C2orf81: variants seen among roughly 807,000 people sequenced by gnomAD.
The protein encoded by C2orf81 is uncharacterized protein C2orf81.
A neutral mutation model predicts 7.9 loss-of-function variants in C2orf81; 5 were observed. The observed-to-expected ratio is 0.63, with a 90% confidence interval of 0.33 to 1.33. The LOEUF is 1.33. Among genes scored for constraint, C2orf81 ranks in the 40% most tolerant of loss-of-function variants. C2orf81 has a pLI of 0.05. For missense variants in C2orf81, 781 were observed against 830.4 expected (o/e 0.94, Z 0.73); for synonymous variants, 346 against 367.4 (o/e 0.94, Z 0.66).
At position 74,418,356 on chromosome 2, in the gene C2orf81, C is replaced by T. The variant is rs554653487; in HGVS notation, c.19-2115G>A. The T allele has an allele frequency of 5.9e-5, 95 of 1,597,252 alleles. No individual in the cohort carries two copies. The African/African-American group carries it at 1.1e-3, about 18-fold the overall frequency. On this transcript the variant is annotated intron_variant, in intron 1 of 2. Transcript: ENST00000684111. ...TGGGACTCACCGGAGGCTGCTTGCG[C>T]GGCCTGCCACGGCCCCGCTTCTCAG...
At chr2:74,417,554 A>G in intron 1 of C2orf81, 1 of 1,100,846 alleles carries the variant, frequency 9.1e-7, no homozygotes, top group Non-Finnish European at 1.2e-6. Flanking sequence ...AAGGTGGGGA[A>G]GGATGAAAGG....
chr2:74,421,089 C>A (rs1341732781), intron 1 of C2orf81, among the ~76,000 whole-genome samples: 3 of 152,120 alleles, frequency 2.0e-5, no homozygotes, highest in African/African-American at 7.2e-5. Context: ...GCCCCGTTTT[C>A]TTTATTTTAA....
intron 1 of C2orf81, 53 bp downstream of exon 1, chr2:74,421,490 A>T (rs914459830): frequency 2.8e-6 from 1 of 359,470 alleles, no homozygotes; most frequent in African/African-American, 2.1e-5. Flanking sequence ...CCCGACACCG[A>T]CCTTAACGGC....
In C2orf81 at chr2:74,415,134, C is replaced by G; in HGVS notation, c.1043G>C (p.Cys348Ser). 1 of 1,542,582 alleles carries G rather than the reference C, an allele frequency of 6.5e-7. No homozygotes were observed. Among genetic ancestry groups the G allele is most frequent in the East Asian group, 2.5e-5 (1 of 40,540 alleles). ...CGAGTGCCCGGCCCGCTGCTGCTGG[C>G]AGGACGCGGAGGGGCGGGTGGCGCC... is the stretch of plus-strand genomic sequence containing the variant. ...VGGATRPSAS[C>S]QQQRAGHSDV... Residue 348 changes from cysteine to serine, a missense_variant, in exon 3 of 3, where the codon TGC becomes TCC. Coordinates refer to ENST00000684111, the MANE Select transcript of C2orf81 (RefSeq NM_001316764.3). The surrounding 1 kb of genome is among the most constrained non-coding windows in gnomAD (Gnocchi z 5.5).
intron 1 of C2orf81, among the ~76,000 whole-genome samples, chr2:74,417,025 G>GC (rs764455140): frequency 2.0e-5 from 3 of 152,188 alleles, no homozygotes; most frequent in Non-Finnish European, 4.4e-5. Flanking sequence ...AGCCTGCCAT[G>GC]CCCCAGCCCC....
rs780453780 is a variant in C2orf81, at chr2:74,415,779, G to C, written c.398C>G (p.Ser133Cys). 1.3e-6 allele frequency: 2 copies of C among 1,551,614 alleles called. No homozygotes were observed. Among genetic ancestry groups the C allele is most frequent in the Non-Finnish European group, 1.7e-6 (2 of 1,147,018 alleles). The stretch of plus-strand genomic sequence containing the variant: ...CACGGGCACTGAACCCTGAGCCCAG[G>C]AGTCCGTCGTGCATGCCGAAGGCTC... ...DEEPSACTTD[S>C]WAQGSVPVLH... The change falls in exon 3 of 3, where the codon TCC becomes TGC. Residue 133 changes from serine to cysteine, a missense_variant. By Grantham distance (112) the Ser-to-Cys change is moderately radical. Coordinates refer to ENST00000684111, the MANE Select transcript of C2orf81 (RefSeq NM_001316764.3). The surrounding 1 kb of genome is among the most constrained non-coding windows in gnomAD (Gnocchi z 5.5).
At position 74,416,094 on chromosome 2, in the gene C2orf81, C is replaced by T. The variant is rs1287792379; in HGVS notation, c.166G>A (p.Gly56Ser). Residue 56 changes from glycine to serine, a missense_variant, in exon 2 of 3, where the codon GGC becomes AGC. Coordinates refer to ENST00000684111, the MANE Select transcript of C2orf81 (RefSeq NM_001316764.3). ...AAGATGTCCCCTACGACGTCCTCGCCCTCCTCGAGGGCTGTAAGCGCCATC... is the reference window on the plus strand; with the variant it reads ...AAGATGTCCCCTACGACGTCCTCGCTCTCCTCGAGGGCTGTAAGCGCCATC... ...EWMALTALEE[G>S]EDVVGDILAD... 8 of 1,544,164 alleles carry T rather than the reference C, an allele frequency of 5.2e-6. No homozygotes were observed. The South Asian group carries it at 8.4e-5, about 16-fold the overall frequency.
rs531061558 is a variant in C2orf81, at chr2:74,420,558, A to C, written c.18+985T>G. On this transcript the variant is annotated intron_variant, in intron 1 of 2. Coordinates refer to ENST00000684111, the MANE Select transcript of C2orf81 (RefSeq NM_001316764.3). ...AAATCCCTGAAGTCTCATTAACCCT[A>C]TCCACCAGTGAGAACAGCCCTGTAG... 2.0e-4 allele frequency among the ~76,000 whole-genome samples: 31 copies of C among 152,174 alleles called. No individual in the cohort carries two copies. The South Asian group carries it at 6.2e-3, about 31-fold the overall frequency.
At position 74,415,298 on chromosome 2, in the gene C2orf81, G is replaced by C. The variant is rs1676419751; in HGVS notation, c.879C>G (p.Pro293=). ...CTTCCAACGACAAATGGAAGCCGAG[G>C]GGGTGTCCCCTCCCAGTTGAGGCCT... ...SPQASTGRGH[P]LGFHLSLEDL... Residue 293 remains proline (P), a synonymous_variant, in exon 3 of 3, where the codon CCC becomes CCG. Coordinates refer to ENST00000684111, the MANE Select transcript of C2orf81 (RefSeq NM_001316764.3). This position sits in a 1 kb window ranked among gnomAD's most constrained non-coding sequence, Gnocchi z 5.5. 2 of 1,550,992 alleles carry C rather than the reference G, an allele frequency of 1.3e-6. No individual in the cohort carries two copies. Among genetic ancestry groups the C allele is most frequent in the Non-Finnish European group, 1.7e-6 (2 of 1,146,692 alleles).
At position 74,415,541 on chromosome 2, in the gene C2orf81, C is replaced by T; in HGVS notation, c.636G>A (p.Trp212Ter). Residue 212 changes from tryptophan (W) to a stop codon, truncating the protein, a stop_gained, in exon 3 of 3, where the codon TGG becomes TGA. Coordinates refer to ENST00000684111, the MANE Select transcript of C2orf81 (RefSeq NM_001316764.3). LOFTEE classifies it low-confidence loss of function (END_TRUNC). The surrounding 1 kb of genome is among the most constrained non-coding windows in gnomAD (Gnocchi z 5.5). Reference sequence around the variant, plus strand: ...TGACTCTCAGCTGCGGAGAAGGCTCCCAAGATTCCATCTGCTCCTGGGAGC... The same window carrying T: ...TGACTCTCAGCTGCGGAGAAGGCTCTCAAGATTCCATCTGCTCCTGGGAGC... Reference protein sequence around the residue: ...GRGSQEQMESWEPSPQLRVTS... With the variant: ...GRGSQEQMES 6.5e-7 allele frequency: 1 copy of T among 1,549,114 alleles called. No homozygotes were observed. Among genetic ancestry groups the T allele is most frequent in the South Asian group, 1.2e-5 (1 of 84,036 alleles).
chr2:74,415,968 C>A lies in C2orf81; in HGVS notation c.250-41G>T, dbSNP rs1049889797. 6.5e-6 allele frequency: 10 copies of A among 1,546,946 alleles called. No individual in the cohort carries two copies. Among genetic ancestry groups the A allele is most frequent in the Non-Finnish European group, 8.7e-6 (10 of 1,144,034 alleles). ...AGGATCTCAGGTCGGCAGGGAGGGG[C>A]GGGAGAGGGAGACGAGTCTGAAGGA... On this transcript the variant is annotated intron_variant, in intron 2 of 2. Transcript: ENST00000684111. This position sits in a 1 kb window ranked among gnomAD's most constrained non-coding sequence, Gnocchi z 5.5.
At position 74,418,132 on chromosome 2, in the gene C2orf81, A is replaced by G. The variant is rs558768625; in HGVS notation, c.19-1891T>C. On this transcript the variant is annotated intron_variant, in intron 1 of 2. Coordinates refer to ENST00000684111, the MANE Select transcript of C2orf81 (RefSeq NM_001316764.3). ...AGTCCCAGAAGGAAGCTGCTCCTCCAGTGAGGACTCCTGCGAGATGCCCTT... is the reference window on the plus strand; with the variant it reads ...AGTCCCAGAAGGAAGCTGCTCCTCCGGTGAGGACTCCTGCGAGATGCCCTT... The G allele has an allele frequency of 7.4e-6, 6 of 810,680 alleles. 1 individual carries two copies. In the African/African-American group the frequency reaches 1.0e-4, roughly 14 times the overall value. The allele number at this position is 810,680 out of a possible 1,614,324, so 50.2% of individuals were successfully genotyped here.
intron 1 of C2orf81, chr2:74,417,491 TC>T: frequency 1.6e-6 from 2 of 1,259,558 alleles, no homozygotes; most frequent in South Asian, 2.5e-5. Context: ...CTCACACCCC[TC>T]CCGCTTTCCT....
rs547276069 is a variant in C2orf81 at position 74,414,631 on chromosome 2, C to T, written c.1546G>A (p.Glu516Lys). The change falls in exon 3 of 3, where the codon GAG (glutamate) becomes AAG (lysine). Residue 516 changes from glutamate to lysine, a missense_variant. By Grantham distance (56) the Glu-to-Lys change is moderately conservative. Coordinates refer to ENST00000684111, the MANE Select transcript of C2orf81 (RefSeq NM_001316764.3). This position sits in a 1 kb window ranked among gnomAD's most constrained non-coding sequence, Gnocchi z 5.3. ...ACGCGGGTCCGGCCAGCCCACAGCT[C>T]GCCCAGCAGCTCGGCCTTCCCCTCC... is the stretch of plus-strand genomic sequence containing the variant. Reference protein sequence around the residue: ...GWEGKAELLGELWAGRTRVPP... With the variant: ...GWEGKAELLGKLWAGRTRVPP... The T allele has an allele frequency of 1.7e-4, 265 of 1,550,046 alleles. 1 individual carries two copies. The African/African-American group carries it at 3.1e-3, about 18-fold the overall frequency.
chr2:74,417,299 G>T, intron 1 of C2orf81: 2 of 1,178,064 alleles, frequency 1.7e-6, no homozygotes, highest in Non-Finnish European at 2.3e-6. Context: ...AGAGGAAAAT[G>T]GCCAAGTGGT....
Position 74,414,722 on chromosome 2 carries a change from C to A in C2orf81, c.1455G>T (p.Val485=). The part of the protein sequence containing the change: ...SRIRFLTTHP[V]LPDVARSRSP... Reference sequence around the variant, plus strand: ...TGCGGCTGCGGGCCACATCAGGGAGCACCGGGTGTGTGGTGAGGAAGCGGA... The same window carrying A: ...TGCGGCTGCGGGCCACATCAGGGAGAACCGGGTGTGTGGTGAGGAAGCGGA... Residue 485 remains valine, a synonymous_variant, in exon 3 of 3, where the codon GTG becomes GTT. Transcript: ENST00000684111. This position sits in a 1 kb window ranked among gnomAD's most constrained non-coding sequence, Gnocchi z 5.3. The A allele has an allele frequency of 1.3e-6, 2 of 1,546,926 alleles. No individual in the cohort carries two copies. The highest frequency in any genetic ancestry group is 1.7e-6 in the Non-Finnish European group (2 of 1,143,984).
rs552823855 is a variant in C2orf81 at position 74,419,660 on chromosome 2, GTAT to G, written c.18+1880_18+1882del. Among the ~76,000 whole-genome samples the G allele has an allele frequency of 1.3e-3, 193 of 152,286 alleles. 1 individual carries two copies. Among genetic ancestry groups the G allele is most frequent in the South Asian group, 4.8e-3 (23 of 4,826 alleles). ...TATATTCTCCAACAAATTCTCTGCGGTATTTTTATAATAGCAGAATATTGAAAA... is the reference window on the plus strand; with the variant it reads ...TATATTCTCCAACAAATTCTCTGCGGTTTTATAATAGCAGAATATTGAAAA... On this transcript the variant is annotated intron_variant, in intron 1 of 2. Coordinates refer to ENST00000684111, the MANE Select transcript of C2orf81 (RefSeq NM_001316764.3).
chr2:74,417,081 C>G (rs1300778972), intron 1 of C2orf81, among the ~76,000 whole-genome samples: 1 of 152,216 alleles, frequency 6.6e-6, no homozygotes, highest in African/African-American at 2.4e-5. Context: ...ATGGGCAGAA[C>G]AGGAGGCAAT....
rs1016851852 is a variant in C2orf81 at position 74,415,794 on chromosome 2, G to A, written c.383C>T (p.Ala128Val). Residue 128 changes from alanine to valine, a missense_variant, in exon 3 of 3, where the codon GCA becomes GTA. By Grantham distance (64) the Ala-to-Val change is moderately conservative. Transcript: ENST00000684111. This position sits in a 1 kb window ranked among gnomAD's most constrained non-coding sequence, Gnocchi z 5.5. ...PTWGEDEEPS[A>V]CTTDSWAQGS... Reference sequence around the variant, plus strand: ...CTGAGCCCAGGAGTCCGTCGTGCATGCCGAAGGCTCCTCGTCCTCACCCCA... The same window carrying A: ...CTGAGCCCAGGAGTCCGTCGTGCATACCGAAGGCTCCTCGTCCTCACCCCA... The A allele has an allele frequency of 1.0e-5, 16 of 1,551,512 alleles. No homozygotes were observed. In the African/African-American group the frequency reaches 1.1e-4, roughly 11 times the overall value.
Sources: allele counts gnomAD v4.1 joint callset (sites outside exome capture counted in the v4.1 genomes callset), GRCh38; gene constraint gnomAD v4.1.1; non-coding constraint Gnocchi (gnomAD v3.1); transcripts MANE v1.5; gene names NCBI Gene and HGNC (gene_info 2026-07-23, HGNC 2026-07-21).